ACADVL: variants seen among roughly 807,000 people sequenced by gnomAD.
ACADVL encodes the protein very long-chain acyl-CoA dehydrogenase, mitochondrial.
A neutral mutation model predicts 80.4 loss-of-function variants in ACADVL; 73 were observed. The ratio of observed to expected loss-of-function variants is 0.91; its 90% CI spans 0.75 to 1.10. The LOEUF (loss-of-function observed/expected upper bound fraction) is 1.10. ACADVL is among the 50% of genes least tolerant of loss of function. ACADVL has a pLI of 0.00. For missense variants in ACADVL, 878 were observed against 858.9 expected, an observed-to-expected ratio of 1.02 and a Z score of -0.28; for synonymous variants, 392 against 326.5, an observed-to-expected ratio of 1.20 and a Z score of -2.16.
rs756969179 is a variant in ACADVL, at chr17:7,220,529, G to A, written c.204G>A (p.Ala68=). 5.0e-6 allele frequency: 8 copies of A among 1,614,094 alleles called. No homozygotes were observed. The East Asian group carries it at 1.3e-4, about 27-fold the overall frequency. The change falls in exon 3 of 20, where the codon GCG becomes GCA. Residue 68 remains alanine (A), a splice_region_variant and synonymous_variant. Coordinates refer to ENST00000356839, the MANE Select transcript of ACADVL (RefSeq NM_000018.4). ...DALTRKKPAK[A]ESKSFAVGMF... is the part of the protein sequence containing the mutation. ...TGACCAGGAAAAAACCGGCCAAGGC[G>A]GTAGGTAGCCCCGAGGCCAGGTGGA...
In ACADVL at chr17:7,222,201, C is replaced by T; in HGVS notation, c.777C>T (p.Phe259=). The T allele has an allele frequency of 6.2e-7, 1 of 1,614,164 alleles. No individual in the cohort carries two copies. Among genetic ancestry groups the T allele is most frequent in the Non-Finnish European group, 8.5e-7 (1 of 1,180,038 alleles). Residue 259 remains phenylalanine (F), a synonymous_variant, in exon 9 of 20, where the codon TTC becomes TTT. Transcript: ENST00000356839. ...GTAATGGGGGCCTAGCAGACATCTT[C>T]ACGGTCTTTGCCAAGACACCAGTTA... The part of the protein sequence containing the change: ...WISNGGLADI[F]TVFAKTPVTD...
At chr17:7,219,620 C>G (rs1033814639), upstream of ACADVL, 3 of 1,213,078 alleles carry the variant, frequency 2.5e-6, no homozygotes, top group African/African-American at 4.7e-5. Flanking sequence ...CTTTTCCCTT[C>G]TAACCCCACC....
In ACADVL at chr17:7,220,758, C is replaced by T. The variant is rs1178133251; in HGVS notation, c.278-8C>T. ...TGGCCTGACCAGCCTGTCCCCCACC[C>T]TCTGCAGTGCTCAACGAAGAGCAGA... On this transcript the variant is annotated splice_region_variant and splice_polypyrimidine_tract_variant and intron_variant, in intron 4 of 19. Transcript: ENST00000356839. 7 of 1,614,172 alleles carry T rather than the reference C, an allele frequency of 4.3e-6. No homozygotes were observed. The highest frequency in any genetic ancestry group is 4.5e-5 in the East Asian group (2 of 44,888).
upstream of ACADVL, chr17:7,217,751 GCA>G (rs1567555682): frequency 6.5e-7 from 1 of 1,535,350 alleles, no homozygotes; most frequent in East Asian, 2.4e-5. Flanking sequence ...AGAAGCAGAA[GCA>G]CAGAGGCCCC....
intron 2 of ACADVL, 91 bp downstream of exon 2, chr17:7,220,288 T>G: frequency 6.7e-7 from 1 of 1,496,904 alleles, no homozygotes. Context: ...TGGTGCCAGG[T>G]ACCTGCCTAC....
upstream of ACADVL, chr17:7,219,277 C>T (rs2071075162): frequency 3.7e-6 from 2 of 547,916 alleles, no homozygotes; most frequent in Admixed American, 5.3e-5. Context: ...CTCTCAGGCC[C>T]GGGAGGAATC....
chr17:7,220,021 C>T lies in ACADVL; in HGVS notation c.37C>T (p.Gln13Ter), dbSNP rs63750670. 6.2e-7 allele frequency: 1 copy of T among 1,605,362 alleles called. No homozygotes were observed. Among genetic ancestry groups the T allele is most frequent in the Non-Finnish European group, 8.5e-7 (1 of 1,178,904 alleles). The stretch of plus-strand genomic sequence containing the variant: ...TCGGATGGCCGCGAGCTTGGGGCGG[C>T]AGCTGCTGAGGCTCGGGGGCGGAAG... ...AARMAASLGR[Q>*]LLRLGGGSSR... Residue 13 changes from glutamine (Q) to a stop codon, truncating the protein, a stop_gained, in exon 1 of 20, where the codon CAG becomes TAG. Coordinates refer to ENST00000356839, the MANE Select transcript of ACADVL (RefSeq NM_000018.4). LOFTEE classifies it high-confidence loss of function.
chr17:7,217,175 T>C, upstream of ACADVL: 1 of 1,277,350 alleles, frequency 7.8e-7, no homozygotes, highest in South Asian at 3.2e-5. Flanking sequence ...CGGCGGCGGG[T>C]AAGGGGCTCT....
rs2142985989 is a variant in ACADVL at position 7,224,012 on chromosome 17, G to A, written c.1377G>A (p.Arg459=). 1 of 1,614,140 alleles carries A rather than the reference G, an allele frequency of 6.2e-7. No individual in the cohort carries two copies. The highest frequency in any genetic ancestry group is 8.5e-7 in the Non-Finnish European group (1 of 1,180,026). ...TGCTCCGAGATCTTCGCATCTTCCG[G>A]ATCTTTGAGGGGACAAATGACATTC... ...ERVLRDLRIF[R]IFEGTNDILR... is the part of the protein sequence containing the mutation. The change falls in exon 14 of 20, where the codon CGG becomes CGA. Residue 459 remains arginine (R), a synonymous_variant. Transcript: ENST00000356839.
chr17:7,220,344 AG>A, intron 2 of ACADVL, 119 bp from the exon 3 acceptor site: 1 of 1,553,566 alleles, frequency 6.4e-7, no homozygotes, highest in Non-Finnish European at 8.8e-7. Context: ...AGGGTGCCCT[AG>A]GGCGAAACTA....
chr17:7,220,820 G>A lies in ACADVL; in HGVS notation c.332G>A (p.Arg111His), dbSNP rs958166043. The change falls in exon 5 of 20, where the codon CGT (arginine) becomes CAT (histidine). Residue 111 changes from arginine to histidine, a missense_variant. Arg to His is a conservative substitution (Grantham distance 29). Coordinates refer to ENST00000356839, the MANE Select transcript of ACADVL (RefSeq NM_000018.4). ...AAAGAGCTGGTGGAGCCTGTGTCCCGTTTCTTCGAGGTAAGGAATGACTCG... is the reference window on the plus strand; with the variant it reads ...AAAGAGCTGGTGGAGCCTGTGTCCCATTTCTTCGAGGTAAGGAATGACTCG... ...FLKELVEPVS[R>H]FFEEVNDPAK... is the part of the protein sequence containing the mutation. 5 of 1,613,978 alleles carry A rather than the reference G, an allele frequency of 3.1e-6. No homozygotes were observed. Among genetic ancestry groups the A allele is most frequent in the African/African-American group, 1.3e-5 (1 of 74,942 alleles).
At chr17:7,222,102 C>A in intron 8 of ACADVL, 21 bp downstream of exon 8, 1 of 1,614,170 alleles carries the variant, frequency 6.2e-7, no homozygotes, top group Non-Finnish European at 8.5e-7. Context: ...TCCCATTTCT[C>A]CCCTTCTCCT....
chr17:7,221,388 T>C, intron 6 of ACADVL, 150 bp from the exon 7 acceptor site: 1 of 1,393,724 alleles, frequency 7.2e-7, no homozygotes, highest in Admixed American at 1.7e-5. Flanking sequence ...ACCCCACTTC[T>C]TTTCTACACA....
At position 7,224,841 on chromosome 17, in the gene ACADVL, C is replaced by T. The variant is rs770964020; in HGVS notation, c.1784C>T (p.Thr595Met). 2.5e-5 allele frequency: 41 copies of T among 1,613,964 alleles called. No homozygotes were observed. Among genetic ancestry groups the T allele is most frequent in the Non-Finnish European group, 2.6e-5 (31 of 1,180,030 alleles). ...ASRSLSEGHP[T>M]AQHEKMLCDT... ...AGATCCCTGAGTGAGGGCCACCCCA[C>T]GGCCCAGCATGAGAAAATGCTCTGT... The change falls in exon 19 of 20, where the codon ACG (threonine) becomes ATG (methionine). Residue 595 changes from threonine to methionine, a missense_variant. Transcript: ENST00000356839.
rs772790098 is a variant in ACADVL, at chr17:7,224,074, GAC to G, written c.1434+7_1434+8del. On this transcript the variant is annotated splice_donor_region_variant and intron_variant, in intron 14 of 19. Coordinates refer to ENST00000356839, the MANE Select transcript of ACADVL (RefSeq NM_000018.4). ...GTGGCTCTGCAGGGCTGTATGGTAA[GAC>G]AGAGAATTGGGTGGGGGTAGAGGTG... The G allele has an allele frequency of 6.2e-7, 1 of 1,614,096 alleles. No homozygotes were observed. Among genetic ancestry groups the G allele is most frequent in the Non-Finnish European group, 8.5e-7 (1 of 1,179,976 alleles).
rs956279629 is a variant in ACADVL at position 7,222,801 on chromosome 17, A to G, written c.1013A>G (p.Asn338Ser). ...TTCAAGGTTGCCATGCACATCCTCA[A>G]CAATGGAAGGTTTGGCATGGCTGCG... ...SGFKVAMHIL[N>S]NGRFGMAAAL... The change falls in exon 10 of 20, where the codon AAC (asparagine) becomes AGC (serine). Residue 338 changes from asparagine to serine, a missense_variant. Physicochemically the swap from Asn to Ser is conservative, Grantham distance 46. Transcript: ENST00000356839. The G allele has an allele frequency of 1.9e-6, 3 of 1,613,894 alleles. No individual in the cohort carries two copies. The African/African-American group carries it at 4.0e-5, about 22-fold the overall frequency.
At chr17:7,218,514 AG>A (rs747410064), upstream of ACADVL, 1 of 1,547,840 alleles carries the variant, frequency 6.5e-7, no homozygotes, top group South Asian at 1.2e-5. Flanking sequence ...TTGGAGGCCC[AG>A]GTCCCTCAGA....
In ACADVL at chr17:7,221,597, G is replaced by A. The variant is rs1597525140; in HGVS notation, c.537G>A (p.Gly179=). ...MHDLGVGITL[G]AHQSIGFKGI... is the part of the protein sequence containing the mutation. ...ACCTTGGCGTGGGCATTACCCTGGGGGCCCATCAGAGCATCGGTTTCAAAG... is the reference window on the plus strand; with the variant it reads ...ACCTTGGCGTGGGCATTACCCTGGGAGCCCATCAGAGCATCGGTTTCAAAG... The change falls in exon 7 of 20, where the codon GGG becomes GGA. Residue 179 remains glycine (G), a synonymous_variant. Coordinates refer to ENST00000356839, the MANE Select transcript of ACADVL (RefSeq NM_000018.4). The A allele has an allele frequency of 1.9e-6, 3 of 1,614,086 alleles. No homozygotes were observed.
rs771538229 is a variant in ACADVL at position 7,224,536 on chromosome 17, C to G, written c.1662C>G (p.His554Gln). Reference sequence around the variant, plus strand: ...TGGTGGAGGCCAAGCTGATAAAACACAAGAAGGGGATTGTCAGTAAGTGAG... The same window carrying G: ...TGGTGGAGGCCAAGCTGATAAAACAGAAGAAGGGGATTGTCAGTAAGTGAG... ...ATVVEAKLIKHKKGIVNEQFL... is the reference protein window; with the variant it reads ...ATVVEAKLIKQKKGIVNEQFL... Residue 554 changes from histidine (H) to glutamine (Q), a missense_variant, in exon 17 of 20, where the codon CAC becomes CAG. By Grantham distance (24) the His-to-Gln change is conservative (BLOSUM62 0). Transcript: ENST00000356839. 2 of 1,610,510 alleles carry G rather than the reference C, an allele frequency of 1.2e-6. No individual in the cohort carries two copies. Among genetic ancestry groups the G allele is most frequent in the Non-Finnish European group, 1.7e-6 (2 of 1,179,218 alleles).
Sources: gnomAD v4.1 joint callset for allele counts on GRCh38, gnomAD v4.1.1 for gene constraint, MANE v1.5 for transcripts, NCBI Gene and HGNC (gene_info 2026-07-23, HGNC 2026-07-21) for gene names.